Variants in AOPEP observed in about 807,000 individuals in gnomAD.
AOPEP encodes aminopeptidase O.
AOPEP carries 77 observed loss-of-function variants against 98.1 expected under a neutral mutation model. The observed-to-expected ratio is 0.78, with a 90% CI of 0.65 to 0.95. AOPEP has a LOEUF of 0.95. Ranked by LOEUF, AOPEP falls within the 40% of genes least tolerant of loss-of-function variation. The pLI is 0.00. For synonymous variants in AOPEP, 346 were observed against 365.3 expected (o/e 0.95, Z 0.60); for missense variants, 1,024 against 1,024.7 (o/e 1.00, Z 0.01).
chr9:95,024,064 G>A (rs929669834), intron 13 of AOPEP, among the ~76,000 whole-genome samples: 23 of 152,168 alleles, frequency 1.5e-4, no homozygotes, highest in African/African-American at 5.1e-4. Context: ...CACATGCCCT[G>A]TAAATTATGA....
chr9:95,103,386 C>T, the AOPEP span, among the ~76,000 whole-genome samples: 11 of 152,208 alleles, frequency 7.2e-5, no homozygotes, highest in Admixed American at 3.9e-4. Context: ...ATTTTGAGTT[C>T]AACGACTACA....
intron 5 of AOPEP, among the ~76,000 whole-genome samples, chr9:94,881,273 ATC>A (rs2047555816): frequency 6.8e-6 from 1 of 147,534 alleles, no homozygotes; most frequent in Non-Finnish European, 1.5e-5. Flanking sequence ...AAGACACAGG[ATC>A]TGTCTTAGGC....
At chr9:94,905,562 T>C (rs1302683317) in intron 5 of AOPEP, among the ~76,000 whole-genome samples, 1 of 152,196 alleles carries the variant, frequency 6.6e-6, no homozygotes, top group Non-Finnish European at 1.5e-5. Flanking sequence ...TTTTTTGTTA[T>C]ATTTAGAGGG....
At chr9:94,815,191 A>G (rs1472811083) in intron 5 of AOPEP, among the ~76,000 whole-genome samples, 1 of 152,150 alleles carries the variant, frequency 6.6e-6, no homozygotes, top group African/African-American at 2.4e-5. Flanking sequence ...GGCCTGATAA[A>G]TGTAAAGTGG....
chr9:94,738,757 G>A (rs1832371736), intron 1 of AOPEP, among the ~76,000 whole-genome samples: 1 of 151,952 alleles, frequency 6.6e-6, no homozygotes, highest in South Asian at 2.1e-4. Flanking sequence ...TGTATTTTTA[G>A]TAGAGACGGG....
intron 5 of AOPEP, among the ~76,000 whole-genome samples, chr9:94,840,895 C>T (rs1405766137): frequency 6.6e-6 from 1 of 152,020 alleles, no homozygotes; most frequent in Non-Finnish European, 1.5e-5. Context: ...GTCCATCTGG[C>T]TAGAGGTTTG....
At chr9:94,790,271 A>G (rs1845417474) in intron 3 of AOPEP, among the ~76,000 whole-genome samples, 1 of 151,634 alleles carries the variant, frequency 6.6e-6, no homozygotes, top group South Asian at 2.1e-4. Flanking sequence ...GGTTCAAGCT[A>G]TTCTCCTGCC....
intron 2 of AOPEP, among the ~76,000 whole-genome samples, chr9:94,766,508 G>C (rs895189437): frequency 1.3e-5 from 2 of 152,204 alleles, no homozygotes; most frequent in African/African-American, 2.4e-5. Flanking sequence ...CTGCACTCCA[G>C]CCTGGGCGAC....
chr9:94,947,331 T>A (rs1170725396), intron 7 of AOPEP, among the ~76,000 whole-genome samples: 1 of 152,098 alleles, frequency 6.6e-6, no homozygotes, highest in East Asian at 1.9e-4. Context: ...CAGGCTAGAA[T>A]GCAGTGGCGC....
chr9:94,945,195 C>T (rs188728894), intron 7 of AOPEP, among the ~76,000 whole-genome samples: 3 of 152,270 alleles, frequency 2.0e-5, no homozygotes, highest in Admixed American at 6.5e-5. Flanking sequence ...TGTATACACA[C>T]AAGATTGTGT....
intron 13 of AOPEP, among the ~76,000 whole-genome samples, chr9:95,044,853 G>A (rs1048581342): frequency 6.6e-6 from 1 of 152,166 alleles, no homozygotes; most frequent in African/African-American, 2.4e-5. Flanking sequence ...AGTGGGGGAA[G>A]GGGGAGAGTG....
intron 5 of AOPEP, among the ~76,000 whole-genome samples, chr9:94,865,651 T>G (rs976048788): frequency 1.3e-5 from 2 of 152,218 alleles, no homozygotes; most frequent in Admixed American, 6.5e-5. Context: ...AGCCTTATTT[T>G]TATATTCTTA....
chr9:94,734,629 G>C (rs1831326605), intron 1 of AOPEP, among the ~76,000 whole-genome samples: 1 of 152,206 alleles, frequency 6.6e-6, no homozygotes, highest in Non-Finnish European at 1.5e-5. Context: ...ACCAGAGTTA[G>C]ATTAAGCCTT....
chr9:95,125,179 T>C, the AOPEP span: 2 of 1,613,662 alleles, frequency 1.2e-6, no homozygotes, highest in East Asian at 2.2e-5. Flanking sequence ...TTTCCAGGAG[T>C]GCACACCTGA....
At chr9:95,040,872 A>T (rs2065225763) in intron 13 of AOPEP, among the ~76,000 whole-genome samples, 1 of 152,116 alleles carries the variant, frequency 6.6e-6, no homozygotes, top group Non-Finnish European at 1.5e-5. Context: ...CCAAGTGCAG[A>T]TGAGCTGAAA....
chr9:94,766,833 T>A (rs938597493), intron 2 of AOPEP, among the ~76,000 whole-genome samples: 4 of 152,236 alleles, frequency 2.6e-5, no homozygotes, highest in African/African-American at 9.6e-5. Flanking sequence ...TTTTTTTGTT[T>A]GTTTGTTTTA....
intron 13 of AOPEP, chr9:95,049,117 A>C (rs932329301): frequency 3.3e-5 from 5 of 152,194 alleles, no homozygotes; most frequent in African/African-American, 9.6e-5. Flanking sequence ...CGAGATGAGA[A>C]TCTATACTGT....
chr9:95,118,152 G>A, the AOPEP span, among the ~76,000 whole-genome samples: 3 of 152,092 alleles, frequency 2.0e-5, no homozygotes, highest in Non-Finnish European at 2.9e-5. Flanking sequence ...CTGAGTAGCC[G>A]GGATTACAGG....
At chr9:95,023,370 A>C (rs921560526) in intron 13 of AOPEP, among the ~76,000 whole-genome samples, 2 of 152,164 alleles carry the variant, frequency 1.3e-5, no homozygotes, top group African/African-American at 4.8e-5. Flanking sequence ...TAAGACTGGG[A>C]AAGCAGCCCA....
Sources: gnomAD v4.1 joint callset for allele counts (sites outside exome capture counted in the v4.1 genomes callset) on GRCh38, gnomAD v4.1.1 for gene constraint, MANE v1.5 for transcripts, NCBI Gene and HGNC (gene_info 2026-07-23, HGNC 2026-07-21) for gene names.